TAF1: variants seen among roughly 807,000 people sequenced by gnomAD.
TAF1 encodes the protein TATA-box binding protein associated factor 1, also known as transcription initiation factor TFIID subunit 1.
In TAF1, 2 loss-of-function variants were observed where a neutral mutation model predicts 138.5. That is an observed-to-expected ratio of 0.01 (90% confidence interval 0.01 to 0.05). The LOEUF (loss-of-function observed/expected upper bound fraction) is 0.05, where lower values mean the gene tolerates loss of function less well. Among genes scored for constraint, TAF1 ranks in the 10% least tolerant of loss-of-function variants. The pLI, the probability that TAF1 is intolerant of heterozygous loss-of-function variation, is 1.00. For synonymous variants in TAF1, 437 were observed against 503.2 expected (o/e 0.87, Z 1.76); for missense variants, 709 against 1,478.0 (o/e 0.48, Z 8.53).
rs1164519184 is a variant in TAF1 at position 71,483,780 on chromosome X, C to CTCTCTCTA, written c.1366+22978_1366+22979insCTCTCTAT. Among the ~76,000 whole-genome samples, 27 of 37,572 alleles carry CTCTCTCTA rather than the reference C, an allele frequency of 7.2e-4. 1 individual carries two copies. Among genetic ancestry groups the CTCTCTCTA allele is most frequent in the East Asian group, 6.9e-3 (7 of 1,008 alleles). 32.6% of individuals were successfully genotyped at this position (37,572 alleles called of 115,157 possible). On this transcript the variant is annotated intron_variant and NMD_transcript_variant, in intron 13 of 14. Transcript: ENST00000373775. ...TCTCTCTCTCTCTCTCTCTCTCTCT[C>CTCTCTCTA]TATATATATATATATATATATATAC...
chrX:71,498,993 G>A (rs971660121), intron 13 of TAF1, among the ~76,000 whole-genome samples: 3 of 111,255 alleles, frequency 2.7e-5, no homozygotes, highest in African/African-American at 9.8e-5. Context: ...ACATACCCGG[G>A]GCTCAGTGAG....
chrX:71,468,948 A>G (rs1012020763), downstream of TAF1, among the ~76,000 whole-genome samples: 3 of 111,931 alleles, frequency 2.7e-5, no homozygotes, highest in Non-Finnish European at 5.6e-5. Flanking sequence ...TGAGTGTGCC[A>G]CTGCACTCCA....
At chrX:71,470,038 T>A (rs1035645966), downstream of TAF1, among the ~76,000 whole-genome samples, 46 of 111,635 alleles carry the variant, frequency 4.1e-4, no homozygotes, top group Non-Finnish European at 6.0e-4. Flanking sequence ...AAGTGTTACG[T>A]GCAACTATGT....
At chrX:71,450,310 C>T (rs180775368) in intron 32 of TAF1, among the ~76,000 whole-genome samples, 45 of 109,985 alleles carry the variant, frequency 4.1e-4, no homozygotes, top group African/African-American at 1.3e-3. Flanking sequence ...TCAAGTGATT[C>T]TCATGCCTCA....
rs180718951 is a variant in TAF1 at position 71,514,692 on chromosome X, T to G, written c.1367-13850T>G. On this transcript the variant is annotated intron_variant and NMD_transcript_variant, in intron 13 of 14. Coordinates refer to the TAF1 transcript ENST00000373775. ...GAAGTTGCTGATTGTGTCATCTTCA[T>G]AGACAATGAGATCCCCTCGTAAAAG... is the stretch of plus-strand genomic sequence containing the variant. Among the ~76,000 whole-genome samples, 389 of 111,435 alleles carry G rather than the reference T, an allele frequency of 3.5e-3. 6 individuals are homozygous for G. Among genetic ancestry groups the G allele is most frequent in the Admixed American group, 0.033 (344 of 10,396 alleles).
intron 13 of TAF1, among the ~76,000 whole-genome samples, chrX:71,517,459 C>T (rs2039844547): frequency 9.0e-6 from 1 of 111,509 alleles, no homozygotes; most frequent in Non-Finnish European, 1.9e-5. Flanking sequence ...ATAATATATA[C>T]ACCTACTATG....
intron 14 of TAF1, among the ~76,000 whole-genome samples, chrX:71,386,409 C>T (rs1187982658): frequency 1.8e-5 from 2 of 111,433 alleles, no homozygotes; most frequent in African/African-American, 6.5e-5. Context: ...TTGTGTTTTC[C>T]TTTTGTTTTT....
chrX:71,470,526 C>T (rs773967717), downstream of TAF1, among the ~76,000 whole-genome samples: 81 of 108,950 alleles, frequency 7.4e-4, no homozygotes, highest in Non-Finnish European at 9.2e-4. Flanking sequence ...CAGGTGTGAG[C>T]CACCAAGCCC....
chrX:71,397,269 A>G lies in TAF1; in HGVS notation c.3423A>G (p.Ala1141=). Residue 1141 remains alanine (A), a synonymous_variant, in exon 23 of 38, where the codon GCA becomes GCG. Transcript: ENST00000423759. The stretch of plus-strand genomic sequence containing the variant: ...ACCTTGCAGCAGCAGGCTCAGCAGC[A>G]TCCGGAAACAATCACAGAGATGATG... The part of the protein sequence containing the change: ...QRMLLAAGSA[A]SGNNHRDDDT... The G allele has an allele frequency of 8.3e-7, 1 of 1,211,290 alleles. No homozygotes were observed. Among genetic ancestry groups the G allele is most frequent in the Non-Finnish European group, 1.1e-6 (1 of 895,428 alleles).
At position 71,382,673 on chromosome X, in the gene TAF1, G is replaced by A. The variant is rs765055974; in HGVS notation, c.1665+10G>A. On this transcript the variant is annotated intron_variant, in intron 10 of 37. Coordinates refer to ENST00000423759, the MANE Select transcript of TAF1 (RefSeq NM_004606.5). ...GGAGGAACCACAGCAGGTGTGTGAA[G>A]AAAAAAGGGGCTTGGTGTTTAGAAG... 8.3e-7 allele frequency: 1 copy of A among 1,203,231 alleles called. No individual in the cohort carries two copies. The highest frequency in any genetic ancestry group is 2.3e-5 in the Admixed American group (1 of 43,646).
At chrX:71,472,763 T>A (rs1475690330) in intron 13 of TAF1, among the ~76,000 whole-genome samples, 1 of 111,782 alleles carries the variant, frequency 8.9e-6, no homozygotes, top group Non-Finnish European at 1.9e-5. Flanking sequence ...AAAATAGTTA[T>A]CTATGTAAAA....
chrX:71,420,213 C>T, intron 28 of TAF1: 1 of 675,780 alleles, frequency 1.5e-6, no homozygotes, highest in Non-Finnish European at 2.4e-6. Context: ...GTAGCGGGCT[C>T]CTGGAAAACC....
chrX:71,433,763 T>G (rs1569342813), intron 32 of TAF1, among the ~76,000 whole-genome samples: 1 of 104,517 alleles, frequency 9.6e-6, no homozygotes, highest in South Asian at 4.1e-4. Context: ...GTAGGAGAGA[T>G]TTTTTTTTTT....
chrX:71,454,032 AAGT>A, intron 32 of TAF1, 135 bp from the exon 33 acceptor site: 1 of 483,406 alleles, frequency 2.1e-6, no homozygotes, highest in Admixed American at 3.6e-5. Context: ...CTGCCTCTGA[AAGT>A]AGAACAAGAG....
chrX:71,519,854 G>A lies in TAF1; in HGVS notation c.1367-8688G>A, dbSNP rs892086652. On this transcript the variant is annotated intron_variant and NMD_transcript_variant, in intron 13 of 14. Transcript: ENST00000373775. ...AGAGTCTAGCTCTGTCACCCAGGCC[G>A]GAGTGCAGTGGCTCGATCTAGGCTC... Among the ~76,000 whole-genome samples the A allele has an allele frequency of 4.7e-4, 52 of 109,976 alleles. 1 individual carries two copies. The highest frequency in any genetic ancestry group is 1.7e-3 in the African/African-American group (52 of 30,404).
chrX:71,524,025 T>G (rs1163083986), intron 13 of TAF1, among the ~76,000 whole-genome samples: 1 of 103,140 alleles, frequency 9.7e-6, no homozygotes, highest in African/African-American at 3.5e-5. Context: ...AGTTCTTTTT[T>G]TTTTTTTTTT....
intron 25 of TAF1, among the ~76,000 whole-genome samples, chrX:71,405,431 A>G (rs2035416071): frequency 9.0e-6 from 1 of 111,482 alleles, no homozygotes; most frequent in Non-Finnish European, 1.9e-5. Flanking sequence ...GTTGACTGCA[A>G]CCTCTGCCTC....
rs929302718 is a variant in TAF1, at chrX:71,421,454, T to G, written c.4452+78T>G. ...ATATCAGGGTTTAGGAAGTAGGGAA[T>G]TTAACAGAAGGAAAAATATATGCGG... On this transcript the variant is annotated intron_variant, in intron 29 of 37. Transcript: ENST00000423759. 3 of 896,787 alleles carry G rather than the reference T, an allele frequency of 3.3e-6. No homozygotes were observed. The African/African-American group carries it at 5.9e-5, about 18-fold the overall frequency. 73.9% of individuals were successfully genotyped at this position (896,787 alleles called of 1,213,427 possible).
At chrX:71,420,331 CT>C (rs1328796918) in intron 28 of TAF1, 6 of 1,187,024 alleles carry the variant, frequency 5.1e-6, no homozygotes, top group Non-Finnish European at 6.9e-6. Context: ...CTCACTGACT[CT>C]TTGTCTGAGA....
Sources: allele counts gnomAD v4.1 joint callset (sites outside exome capture counted in the v4.1 genomes callset), GRCh38; gene constraint gnomAD v4.1.1; transcripts MANE v1.5; gene names NCBI Gene and HGNC (gene_info 2026-07-23, HGNC 2026-07-21).